CCDC88A: variants seen among roughly 807,000 people sequenced by gnomAD.
CCDC88A encodes coiled-coil and HOOK domain protein 88A.
A neutral mutation model predicts 234.3 loss-of-function variants in CCDC88A; 54 were observed. That is an observed-to-expected ratio of 0.23 (90% CI 0.19 to 0.29). The LOEUF is 0.29. CCDC88A is among the 10% of genes least tolerant of loss of function. The pLI, the probability that CCDC88A is intolerant of heterozygous loss-of-function variation, is 1.00. For synonymous variants in CCDC88A, 753 were observed against 737.8 expected (o/e 1.02, Z -0.33); for missense variants, 1,832 against 2,123.4 (o/e 0.86, Z 2.70).
intron 9 of CCDC88A, chr2:55,348,730 T>G (rs1669502048): frequency 6.6e-6 from 1 of 152,184 alleles, no homozygotes. Flanking sequence ...AGAAAACTAC[T>G]GCTTTAGAGA....
chr2:55,359,762 T>C (rs976550357), intron 7 of CCDC88A, among the ~76,000 whole-genome samples: 2 of 151,924 alleles, frequency 1.3e-5, no homozygotes, highest in African/African-American at 4.8e-5. Context: ...AAATAGTTTG[T>C]CAGTTTTTTG....
chr2:55,298,618 T>C (rs1331386490), intron 29 of CCDC88A, among the ~76,000 whole-genome samples: 4 of 151,792 alleles, frequency 2.6e-5, no homozygotes, highest in Admixed American at 1.3e-4. Context: ...GATATATTGG[T>C]CAAATAATTC....
intron 17 of CCDC88A, chr2:55,323,573 A>T (rs1178559463): frequency 6.6e-6 from 1 of 152,180 alleles, no homozygotes; most frequent in African/African-American, 2.4e-5. Flanking sequence ...TAACACACTA[A>T]TAACAATAGA....
At position 55,291,042 on chromosome 2, in the gene CCDC88A, A is replaced by G. The variant is rs1416697145; in HGVS notation, c.*158T>C. The G allele has an allele frequency of 1.3e-5, 2 of 152,554 alleles. No homozygotes were observed. The highest frequency in any genetic ancestry group is 2.9e-5 in the Non-Finnish European group (2 of 67,962). 9.5% of individuals were successfully genotyped at this position (152,554 alleles called of 1,614,324 possible). On this transcript the variant is annotated 3_prime_UTR_variant, in exon 33 of 33. Transcript: ENST00000436346. Reference sequence around the variant, plus strand: ...AAGGTTTGTATTTCTTGCCTGCTCTATTCACGAAGGACTGTTAAAAGTCTC... The same window carrying G: ...AAGGTTTGTATTTCTTGCCTGCTCTGTTCACGAAGGACTGTTAAAAGTCTC...
At position 55,295,824 on chromosome 2, in the gene CCDC88A, G is replaced by A. The variant is rs749584258; in HGVS notation, c.5324C>T (p.Pro1775Leu). 7 of 1,614,040 alleles carry A rather than the reference G, an allele frequency of 4.3e-6. No homozygotes were observed. In the South Asian group the frequency reaches 5.5e-5, roughly 13 times the overall value. ...YFISSAGKPT[P>L]GTQGKIKLVK... Reference sequence around the variant, plus strand: ...TAATTTTATTTTTCCTTGAGTGCCTGGTGTAGGTTTTCCCGCAGAACTAAT... The same window carrying A: ...TAATTTTATTTTTCCTTGAGTGCCTAGTGTAGGTTTTCCCGCAGAACTAAT... Residue 1775 changes from proline to leucine, a missense_variant, in exon 31 of 33, where the codon CCA becomes CTA. Transcript: ENST00000436346.
intron 2 of CCDC88A, among the ~76,000 whole-genome samples, chr2:55,391,885 C>T (rs764722078): frequency 6.6e-6 from 1 of 152,180 alleles, no homozygotes; most frequent in African/African-American, 2.4e-5. Flanking sequence ...GAAATAGATT[C>T]AGTTCAGAAT....
At chr2:55,418,626 G>C (rs1681851309) in intron 2 of CCDC88A, 190 bp downstream of exon 2, 2 of 585,916 alleles carry the variant, frequency 3.4e-6, no homozygotes, top group African/African-American at 3.7e-5. Flanking sequence ...AATTTTAACA[G>C]GTAAAATATC....
chr2:55,416,420 G>A (rs1219582678), intron 2 of CCDC88A, among the ~76,000 whole-genome samples: 13 of 101,076 alleles, frequency 1.3e-4, no homozygotes, highest in African/African-American at 4.2e-4. Context: ...AAAGGGTGAA[G>A]AGGTCAAATA....
In CCDC88A at chr2:55,289,587, C is replaced by T. The variant is rs2576692; in HGVS notation, c.*1613G>A. ...ATCCAAGATTTTCAAAATGATTTAA[C>T]GTTAACAGCATTTGGTGGTAAAACC... On this transcript the variant is annotated 3_prime_UTR_variant, in exon 33 of 33. Coordinates refer to ENST00000436346, the MANE Select transcript of CCDC88A (RefSeq NM_001365480.1). The T allele has an allele frequency of 0.93, 142,066 of 152,238 alleles. 66,495 individuals carry two copies. The highest frequency in any genetic ancestry group is 0.97 in the East Asian group (5,041 of 5,182). The allele number at this position is 152,238 out of a possible 1,614,324, so 9.4% of individuals were successfully genotyped here.
chr2:55,369,879 C>G (rs1016738823), intron 5 of CCDC88A, among the ~76,000 whole-genome samples: 1 of 152,194 alleles, frequency 6.6e-6, no homozygotes, highest in Non-Finnish European at 1.5e-5. Context: ...ATTATCACCT[C>G]AAACTCGTAC....
intron 2 of CCDC88A, among the ~76,000 whole-genome samples, chr2:55,402,691 G>A (rs546247898): frequency 1.2e-3 from 170 of 141,774 alleles, no homozygotes; most frequent in African/African-American, 3.5e-3. Flanking sequence ...TCCAAATGTC[G>A]GCACATTTTA....
At chr2:55,367,784 G>C (rs1383166190) in intron 5 of CCDC88A, among the ~76,000 whole-genome samples, 5 of 151,850 alleles carry the variant, frequency 3.3e-5, no homozygotes, top group Non-Finnish European at 5.9e-5. Flanking sequence ...GTTCAAAACT[G>C]GTTTTCAGAA....
chr2:55,317,344 T>C lies in CCDC88A; in HGVS notation c.3608A>G (p.Asn1203Ser), dbSNP rs560207670. The C allele has an allele frequency of 3.4e-6, 5 of 1,484,054 alleles. No homozygotes were observed. Among genetic ancestry groups the C allele is most frequent in the Admixed American group, 4.3e-5 (2 of 47,006 alleles). 91.9% of individuals were successfully genotyped at this position (1,484,054 alleles called of 1,614,324 possible). A position where few individuals can be genotyped will look rare whatever the true frequency, so the allele number is the denominator to read the frequency against. Reference protein sequence around the residue: ...VEHRDLEDRYNQLLKQKGQLE... With the variant: ...VEHRDLEDRYSQLLKQKGQLE... Reference sequence around the variant, plus strand: ...CTGTCCTTTCTGTTTTAATAACTGATTGTAACTGGGGGGAAAAAAGGCATT... The same window carrying C: ...CTGTCCTTTCTGTTTTAATAACTGACTGTAACTGGGGGGAAAAAAGGCATT... Residue 1203 changes from asparagine to serine, a missense_variant, in exon 21 of 33, where the codon AAT becomes AGT. Physicochemically the swap from Asn to Ser is conservative, Grantham distance 46. Transcript: ENST00000436346. The surrounding 1 kb of genome is among the most constrained non-coding windows in gnomAD (Gnocchi z 4.2).
intron 16 of CCDC88A, chr2:55,329,927 T>C (rs1574133686): frequency 6.6e-6 from 1 of 152,026 alleles, no homozygotes; most frequent in Non-Finnish European, 1.5e-5. Flanking sequence ...GCCTGGCTAA[T>C]TTTTTGTATT....
At chr2:55,295,504 T>C in intron 31 of CCDC88A, 93 bp downstream of exon 31, 2 of 1,607,882 alleles carry the variant, frequency 1.2e-6, no homozygotes, top group African/African-American at 1.3e-5. Flanking sequence ...GGCTCAGGCA[T>C]GTCTATAGCT....
intron 3 of CCDC88A, among the ~76,000 whole-genome samples, chr2:55,377,280 C>T (rs1673823484): frequency 6.6e-6 from 1 of 150,462 alleles, no homozygotes; most frequent in South Asian, 2.1e-4. Flanking sequence ...TCATTGCAGC[C>T]TCGATCTCCC....
intron 8 of CCDC88A, among the ~76,000 whole-genome samples, chr2:55,351,833 C>T (rs1029192987): frequency 2.0e-5 from 3 of 151,990 alleles, no homozygotes; most frequent in African/African-American, 7.2e-5. Context: ...TGCCTGTCAA[C>T]CAAAAAATGG....
chr2:55,330,298 C>T (rs62137095), intron 16 of CCDC88A: 3,706 of 151,782 alleles, frequency 0.024, 82 homozygotes, highest in Middle Eastern at 0.041. Context: ...GAGTTCGAGA[C>T]CAGCCTGGCC....
At position 55,339,644 on chromosome 2, in the gene CCDC88A, G is replaced by A. The variant is rs1369590849; in HGVS notation, c.1338C>T (p.Pro446=). 6.2e-7 allele frequency: 1 copy of A among 1,600,806 alleles called. No homozygotes were observed. The highest frequency in any genetic ancestry group is 8.5e-7 in the Non-Finnish European group (1 of 1,175,908). Residue 446 remains proline, a synonymous_variant, in exon 13 of 33, where the codon CCC becomes CCT. Coordinates refer to ENST00000436346, the MANE Select transcript of CCDC88A (RefSeq NM_001365480.1). The stretch of plus-strand genomic sequence containing the variant: ...TCACCTCATGGCCCAGGGATTTCTG[G>A]GGTGCTATAATATTGAAAAATACAC... ...ISRTSELSEA[P]QKSLGHEVNE...
Sources: allele counts gnomAD v4.1 joint callset (sites outside exome capture counted in the v4.1 genomes callset), GRCh38; gene constraint gnomAD v4.1.1; non-coding constraint Gnocchi (gnomAD v3.1); transcripts MANE v1.5; gene names NCBI Gene and HGNC (gene_info 2026-07-23, HGNC 2026-07-21).